Variants in MTHFS observed in about 807,000 individuals in gnomAD.
MTHFS encodes the protein methenyltetrahydrofolate synthetase.
Under a neutral mutation model 12.7 loss-of-function variants are expected in MTHFS, and 7 were observed. The ratio of observed to expected loss-of-function variants is 0.55; its 90% confidence interval spans 0.31 to 1.03. MTHFS has a LOEUF of 1.03. MTHFS is among the 50% of genes least tolerant of loss of function. The pLI is 0.05. For synonymous variants in MTHFS, 100 were observed against 97.1 expected (o/e 1.03, Z -0.18); for missense variants, 252 against 258.1 (o/e 0.98, Z 0.16).
chr15:79,896,799 G>C (rs1215886594), intron 1 of MTHFS, 73 bp downstream of exon 1: 2 of 1,502,048 alleles, frequency 1.3e-6, no homozygotes, highest in Admixed American at 2.0e-5. Context: ...ACCATGCACA[G>C]ATCAGCAATC....
intron 2 of MTHFS, among the ~76,000 whole-genome samples, chr15:79,860,262 G>A (rs1380599253): frequency 6.6e-6 from 1 of 151,842 alleles, no homozygotes; most frequent in Non-Finnish European, 1.5e-5. Flanking sequence ...GGTGTCGGGT[G>A]CCTGTTGTCT....
At chr15:79,860,272 T>C (rs1308890237) in intron 2 of MTHFS, among the ~76,000 whole-genome samples, 1 of 151,128 alleles carries the variant, frequency 6.6e-6, no homozygotes, top group Non-Finnish European at 1.5e-5. Flanking sequence ...GCCTGTTGTC[T>C]CAGCTACTCG....
chr15:79,881,885 C>G (rs1566996421), intron 2 of MTHFS, among the ~76,000 whole-genome samples: 1 of 152,118 alleles, frequency 6.6e-6, no homozygotes, highest in Middle Eastern at 3.2e-3. Context: ...GACAGCCTCC[C>G]TGGGTTGCAG....
chr15:79,868,168 G>A (rs1472910798), intron 2 of MTHFS, among the ~76,000 whole-genome samples: 2 of 152,100 alleles, frequency 1.3e-5, no homozygotes, highest in African/African-American at 2.4e-5. Flanking sequence ...AACTTAAGTA[G>A]GAATTTCCAA....
chr15:79,892,332 T>C (rs1039470357), intron 1 of MTHFS, among the ~76,000 whole-genome samples: 1 of 151,912 alleles, frequency 6.6e-6, no homozygotes, highest in Non-Finnish European at 1.5e-5. Flanking sequence ...GGGGCTGGAG[T>C]GTTTTCAAAA....
intron 1 of MTHFS, among the ~76,000 whole-genome samples, chr15:79,890,021 T>C (rs916228306): frequency 6.6e-6 from 1 of 151,978 alleles, no homozygotes; most frequent in Non-Finnish European, 1.5e-5. Context: ...CTAAAATCCA[T>C]CTGTTCAAAT....
In MTHFS at chr15:79,845,288, C is replaced by A; in HGVS notation, c.534G>T (p.Gln178His). 6.2e-7 allele frequency: 1 copy of A among 1,614,114 alleles called. No homozygotes were observed. The highest frequency in any genetic ancestry group is 8.5e-7 in the Non-Finnish European group (1 of 1,180,018). The change falls in exon 3 of 3, where the codon CAG (glutamine) becomes CAT (histidine). Residue 178 changes from glutamine (Q) to histidine (H), a missense_variant. Transcript: ENST00000258874. Reference protein sequence around the residue: ...PYTLALAFKEQICLQVPVNEN... With the variant: ...PYTLALAFKEHICLQVPVNEN... ...CATTCACTGGGACCTGGAGGCAAAT[C>A]TGTTCTTTGAAAGCCAACGCCAGGG...
chr15:79,849,270 T>C (rs1209879223), intron 2 of MTHFS, among the ~76,000 whole-genome samples: 1 of 152,254 alleles, frequency 6.6e-6, no homozygotes, highest in Non-Finnish European at 1.5e-5. Context: ...CCACTTCTGC[T>C]ACTTGTTAAA....
At chr15:79,882,411 C>T (rs772815636) in intron 2 of MTHFS, among the ~76,000 whole-genome samples, 57 of 152,162 alleles carry the variant, frequency 3.7e-4, no homozygotes, top group Non-Finnish European at 2.9e-4. Context: ...AAAAAACAAA[C>T]CCAGAGACTG....
intron 2 of MTHFS, among the ~76,000 whole-genome samples, chr15:79,871,262 ATAG>A (rs940852824): frequency 1.3e-5 from 2 of 152,224 alleles, no homozygotes; most frequent in Non-Finnish European, 2.9e-5. Flanking sequence ...AATGTAACCA[ATAG>A]TAGAAATGAA....
At chr15:79,874,538 T>C (rs144169859) in intron 2 of MTHFS, among the ~76,000 whole-genome samples, 1 of 152,180 alleles carries the variant, frequency 6.6e-6, no homozygotes, top group Non-Finnish European at 1.5e-5. Context: ...ATCTGACTCA[T>C]AGCTCTCTCC....
At chr15:79,893,987 A>G (rs2034520752) in intron 1 of MTHFS, among the ~76,000 whole-genome samples, 1 of 152,244 alleles carries the variant, frequency 6.6e-6, no homozygotes, top group African/African-American at 2.4e-5. Flanking sequence ...AGCATTCACT[A>G]TGGCAAAACA....
intron 2 of MTHFS, among the ~76,000 whole-genome samples, chr15:79,853,233 G>A (rs2033745575): frequency 6.6e-6 from 1 of 152,060 alleles, no homozygotes; most frequent in Admixed American, 6.5e-5. Context: ...CTTCTATATG[G>A]TTTACATTTT....
At chr15:79,857,833 G>A (rs1157546048) in intron 2 of MTHFS, among the ~76,000 whole-genome samples, 5 of 151,844 alleles carry the variant, frequency 3.3e-5, no homozygotes, top group African/African-American at 9.7e-5. Context: ...TGACCAACAC[G>A]GTGAAACCCC....
chr15:79,877,367 C>A (rs1404389474), intron 2 of MTHFS: 1 of 151,884 alleles, frequency 6.6e-6, no homozygotes, highest in East Asian at 1.9e-4. Flanking sequence ...AATCTACAGA[C>A]CCAAGAAGCT....
At chr15:79,880,800 A>AC (rs2034284215) in intron 2 of MTHFS, among the ~76,000 whole-genome samples, 1 of 149,358 alleles carries the variant, frequency 6.7e-6, no homozygotes, top group South Asian at 2.2e-4. Context: ...GCAAAAAAAA[A>AC]AAACAAACAA....
chr15:79,883,056 T>C (rs1010554628), intron 2 of MTHFS, among the ~76,000 whole-genome samples: 1 of 152,130 alleles, frequency 6.6e-6, no homozygotes, highest in African/African-American at 2.4e-5. Context: ...ATTTAAAAAT[T>C]AGTCAGGCAT....
chr15:79,896,700 A>C (rs539002819), intron 1 of MTHFS, 172 bp downstream of exon 1: 1 of 1,215,272 alleles, frequency 8.2e-7, no homozygotes, highest in African/African-American at 1.6e-5. Flanking sequence ...AAGAGCGTCC[A>C]GACCACGACT....
At chr15:79,873,797 C>G (rs1000165756) in intron 2 of MTHFS, among the ~76,000 whole-genome samples, 2 of 152,146 alleles carry the variant, frequency 1.3e-5, no homozygotes, top group Non-Finnish European at 2.9e-5. Flanking sequence ...GCTTTGTGAG[C>G]TAAACATAGG....
Sources: allele counts gnomAD v4.1 joint callset (sites outside exome capture counted in the v4.1 genomes callset), GRCh38; gene constraint gnomAD v4.1.1; transcripts MANE v1.5; gene names NCBI Gene and HGNC (gene_info 2026-07-23, HGNC 2026-07-21).